Variants in MAPKAPK5 observed in about 807,000 individuals in gnomAD.
MAPKAPK5 encodes MAPK activated protein kinase 5.
Under a neutral mutation model 65.1 loss-of-function variants are expected in MAPKAPK5, and 30 were observed. The ratio of observed to expected loss-of-function variants is 0.46; its 90% CI spans 0.34 to 0.63. The LOEUF (loss-of-function observed/expected upper bound fraction) is 0.63. MAPKAPK5 is among the 20% of genes least tolerant of loss of function. The pLI is 0.01. For missense variants in MAPKAPK5, 433 were observed against 581.4 expected (o/e 0.74, Z 2.63); for synonymous variants, 179 against 204.6 (o/e 0.87, Z 1.07).
At chr12:111,871,057 C>T (rs1200913542) in intron 6 of MAPKAPK5, 28 bp from the exon 7 acceptor site, 1 of 1,557,926 alleles carries the variant, frequency 6.4e-7, no homozygotes, top group Non-Finnish European at 8.8e-7. Flanking sequence ...CACTCTGGAG[C>T]AGTGACTCCT....
chr12:111,877,369 A>T (rs2070027536), intron 7 of MAPKAPK5, among the ~76,000 whole-genome samples: 5 of 150,744 alleles, frequency 3.3e-5, no homozygotes, highest in Admixed American at 2.6e-4. Context: ...CCATTTGCTT[A>T]TTTTTTTAAT....
chr12:111,847,810 G>A (rs2068953034), intron 1 of MAPKAPK5, among the ~76,000 whole-genome samples: 1 of 152,074 alleles, frequency 6.6e-6, no homozygotes, highest in African/African-American at 2.4e-5. Context: ...CGCCCCTTAC[G>A]GCCACTGATT....
chr12:111,890,667 G>C (rs1182846018), intron 13 of MAPKAPK5, among the ~76,000 whole-genome samples: 1 of 152,082 alleles, frequency 6.6e-6, no homozygotes, highest in African/African-American at 2.4e-5. Context: ...GAACTGCCTT[G>C]TTTTTCTTGA....
chr12:111,881,898 T>C (rs941039359), intron 8 of MAPKAPK5, among the ~76,000 whole-genome samples: 1 of 152,206 alleles, frequency 6.6e-6, no homozygotes, highest in African/African-American at 2.4e-5. Context: ...TTAATCTGTG[T>C]AACATTGGTG....
At chr12:111,846,556 C>G (rs1000102324) in intron 1 of MAPKAPK5, among the ~76,000 whole-genome samples, 18 of 149,210 alleles carry the variant, frequency 1.2e-4, no homozygotes, top group Non-Finnish European at 2.7e-4. Flanking sequence ...AGTGCAGTGG[C>G]GTGATCTTGG....
intron 9 of MAPKAPK5, among the ~76,000 whole-genome samples, chr12:111,884,162 T>C (rs1350340305): frequency 6.6e-6 from 1 of 152,190 alleles, no homozygotes; most frequent in Non-Finnish European, 1.5e-5. Flanking sequence ...CCTTGGATGC[T>C]GTGGTTATGT....
chr12:111,884,749 T>G (rs2070349574), intron 9 of MAPKAPK5, among the ~76,000 whole-genome samples: 1 of 152,226 alleles, frequency 6.6e-6, no homozygotes, highest in Non-Finnish European at 1.5e-5. Flanking sequence ...CCCTTGTTGG[T>G]CTCAGTTTCT....
chr12:111,867,549 A>AC, intron 3 of MAPKAPK5, 23 bp from the exon 4 acceptor site: 1 of 1,581,912 alleles, frequency 6.3e-7, no homozygotes, highest in South Asian at 1.1e-5. Flanking sequence ...ACCTATTGAT[A>AC]CATTTCCTCT....
chr12:111,880,070 A>C (rs11066059), intron 7 of MAPKAPK5: 1 of 269,906 alleles, frequency 3.7e-6, no homozygotes, highest in African/African-American at 2.2e-5. Context: ...CTAGACTGAC[A>C]TGACTGTCAT....
chr12:111,856,096 C>A (rs1250876084), intron 1 of MAPKAPK5, among the ~76,000 whole-genome samples: 1 of 151,906 alleles, frequency 6.6e-6, no homozygotes, highest in African/African-American at 2.4e-5. Flanking sequence ...CTCAGGCGAT[C>A]TGCCCACCTT....
intron 7 of MAPKAPK5, among the ~76,000 whole-genome samples, chr12:111,871,499 C>T (rs570854517): frequency 3.9e-4 from 59 of 152,104 alleles, no homozygotes; most frequent in African/African-American, 1.3e-3. Context: ...AAAAATTAGC[C>T]GAGTGTGGTG....
chr12:111,865,611 G>A (rs2069575263), intron 2 of MAPKAPK5, among the ~76,000 whole-genome samples: 1 of 152,082 alleles, frequency 6.6e-6, no homozygotes, highest in African/African-American at 2.4e-5. Flanking sequence ...GCTGAGGCAG[G>A]CGGATCATGA....
At chr12:111,870,842 T>C (rs1224586876) in intron 6 of MAPKAPK5, among the ~76,000 whole-genome samples, 2 of 152,150 alleles carry the variant, frequency 1.3e-5, no homozygotes, top group East Asian at 3.9e-4. Context: ...GTGCTGCCCT[T>C]ACAAGTTCTA....
intron 1 of MAPKAPK5, among the ~76,000 whole-genome samples, chr12:111,860,928 G>T (rs2136095110): frequency 6.6e-6 from 1 of 151,880 alleles, no homozygotes; most frequent in East Asian, 2.0e-4. Context: ...TGAGGCCGAG[G>T]CAGGCAGATC....
At chr12:111,870,397 C>T in intron 6 of MAPKAPK5, 37 bp downstream of exon 6, 1 of 1,535,912 alleles carries the variant, frequency 6.5e-7, no homozygotes, top group Non-Finnish European at 9.0e-7. Context: ...AGTGCTGCAA[C>T]TCTTAACATA....
At chr12:111,857,020 A>C (rs533521561) in intron 1 of MAPKAPK5, among the ~76,000 whole-genome samples, 1 of 152,286 alleles carries the variant, frequency 6.6e-6, no homozygotes, top group South Asian at 2.1e-4. Flanking sequence ...ATCACAGTCC[A>C]CTTTGGGTTA....
intron 1 of MAPKAPK5, among the ~76,000 whole-genome samples, chr12:111,857,607 G>T (rs2136087057): frequency 6.6e-6 from 1 of 152,172 alleles, no homozygotes; most frequent in Non-Finnish European, 1.5e-5. Context: ...GACTTCCTTT[G>T]GTAGTTCTTG....
intron 12 of MAPKAPK5, 99 bp downstream of exon 12, chr12:111,889,099 A>C: frequency 1.5e-6 from 2 of 1,325,582 alleles, no homozygotes; most frequent in Non-Finnish European, 2.1e-6. Flanking sequence ...GGAATGGTTT[A>C]ATTTTGGGTT....
At position 111,897,842 on chromosome 12, in the gene MAPKAPK5, CAT is replaced by C. The variant is rs1180687644; in HGVS notation, c.*4784_*4785del. 6.6e-6 allele frequency: 1 copy of C among 151,818 alleles called. No homozygotes were observed. Among genetic ancestry groups the C allele is most frequent in the African/African-American group, 2.4e-5 (1 of 41,312 alleles). 9.4% of individuals were successfully genotyped at this position (151,818 alleles called of 1,614,324 possible). A position where few individuals can be genotyped will look rare whatever the true frequency, so the allele number is the denominator to read the frequency against. On this transcript the variant is annotated 3_prime_UTR_variant, in exon 14 of 14. Coordinates refer to ENST00000550735, the MANE Select transcript of MAPKAPK5 (RefSeq NM_003668.4). ...TACATTCCTTTCTGTAGTCGTATCT[CAT>C]ATTTGAAAGGTCTCATGTTGTAAAT...
Sources: allele counts gnomAD v4.1 joint callset (sites outside exome capture counted in the v4.1 genomes callset), GRCh38; gene constraint gnomAD v4.1.1; transcripts MANE v1.5; gene names NCBI Gene and HGNC (gene_info 2026-07-23, HGNC 2026-07-21).